Variants in MACROD2 observed in about 807,000 individuals in gnomAD.
The protein encoded by MACROD2 is mono-ADP ribosylhydrolase 2.
Under a neutral mutation model 70.4 loss-of-function variants are expected in MACROD2, and 36 were observed. That is an observed-to-expected ratio of 0.51 (90% CI 0.39 to 0.68). The LOEUF is 0.68. Among genes scored for constraint, MACROD2 ranks in the 30% least tolerant of loss-of-function variants. The pLI is 0.00. For missense variants in MACROD2, 496 were observed against 538.4 expected, an observed-to-expected ratio of 0.92 and a Z score of 0.78; for synonymous variants, 172 against 178.8, an observed-to-expected ratio of 0.96 and a Z score of 0.30.
chr20:14,068,007 T>C (rs750951011), intron 2 of MACROD2, among the ~76,000 whole-genome samples: 21 of 152,198 alleles, frequency 1.4e-4, no homozygotes, highest in African/African-American at 4.3e-4. Flanking sequence ...ACAGGACATA[T>C]AGATCTATAA....
intron 5 of MACROD2, among the ~76,000 whole-genome samples, chr20:15,000,790 A>C (rs1196492735): frequency 6.6e-6 from 1 of 152,124 alleles, no homozygotes; most frequent in Non-Finnish European, 1.5e-5. Flanking sequence ...CAAAATAAGA[A>C]AATTTGACGT....
At chr20:15,868,814 A>G (rs1338462852) in intron 9 of MACROD2, among the ~76,000 whole-genome samples, 2 of 152,090 alleles carry the variant, frequency 1.3e-5, no homozygotes, top group Non-Finnish European at 2.9e-5. Flanking sequence ...GTACTCTGTC[A>G]TCTAGACTGG....
intron 2 of MACROD2, among the ~76,000 whole-genome samples, chr20:14,006,381 C>T (rs927468180): frequency 2.0e-5 from 3 of 152,134 alleles, no homozygotes; most frequent in African/African-American, 7.2e-5. Context: ...TATACCTTCC[C>T]CCCAGACTAT....
Position 15,133,660 on chromosome 20 carries a change from A to G in MACROD2, c.419-96280A>G, listed in dbSNP as rs2076123224. The stretch of plus-strand genomic sequence containing the variant: ...ACCAAAAATGTTTTCACTGAGAGGA[A>G]TTTACCCTCAGCAAATACTTGGAGA... On this transcript the variant is annotated intron_variant, in intron 5 of 17. Coordinates refer to ENST00000684519, the MANE Select transcript of MACROD2 (RefSeq NM_001351661.2). 2.0e-5 allele frequency among the ~76,000 whole-genome samples: 3 copies of G among 152,110 alleles called. No homozygotes were observed. The South Asian group carries it at 6.2e-4, about 32-fold the overall frequency.
Position 14,431,077 on chromosome 20 carries a change from A to G in MACROD2, c.272-62402A>G, listed in dbSNP as rs1263396537. On this transcript the variant is annotated intron_variant, in intron 3 of 17. Coordinates refer to ENST00000684519, the MANE Select transcript of MACROD2 (RefSeq NM_001351661.2). ...TTTCCTTTTTTACATAAGCTGTTGTACCTAATGCTGTCTGATGACACAGAG... is the reference window on the plus strand; with the variant it reads ...TTTCCTTTTTTACATAAGCTGTTGTGCCTAATGCTGTCTGATGACACAGAG... Among the ~76,000 whole-genome samples the G allele has an allele frequency of 2.6e-5, 4 of 152,168 alleles. No individual in the cohort carries two copies. The East Asian group carries it at 7.7e-4, about 29-fold the overall frequency.
At chr20:14,713,094 A>G (rs1257632360) in intron 5 of MACROD2, among the ~76,000 whole-genome samples, 1 of 152,146 alleles carries the variant, frequency 6.6e-6, no homozygotes, top group Non-Finnish European at 1.5e-5. Flanking sequence ...ACAGATTAAA[A>G]GAAGTTTCTT....
intron 5 of MACROD2, among the ~76,000 whole-genome samples, chr20:14,970,794 G>C (rs1221439300): frequency 6.6e-6 from 1 of 152,012 alleles, no homozygotes; most frequent in African/African-American, 2.4e-5. Flanking sequence ...GGAACGACAG[G>C]TGCACACCAG....
At chr20:14,351,698 T>C (rs1052420086) in intron 3 of MACROD2, among the ~76,000 whole-genome samples, 5 of 152,190 alleles carry the variant, frequency 3.3e-5, no homozygotes, top group African/African-American at 1.2e-4. Flanking sequence ...AAACTTTGTC[T>C]TCTTCCTTTC....
At chr20:14,543,019 G>T (rs965452859) in intron 4 of MACROD2, among the ~76,000 whole-genome samples, 2 of 152,052 alleles carry the variant, frequency 1.3e-5, no homozygotes, top group Non-Finnish European at 2.9e-5. Flanking sequence ...AACCAATTAT[G>T]ATTTGGAGAT....
chr20:14,983,843 T>A (rs1026989288), intron 5 of MACROD2, among the ~76,000 whole-genome samples: 3 of 152,202 alleles, frequency 2.0e-5, no homozygotes, highest in African/African-American at 7.2e-5. Context: ...GTAGTAATGA[T>A]ACTGGTAATA....
intron 5 of MACROD2, among the ~76,000 whole-genome samples, chr20:15,093,539 A>G (rs1321731667): frequency 2.0e-5 from 3 of 152,260 alleles, no homozygotes; most frequent in Middle Eastern, 3.4e-3. Flanking sequence ...AGGCCTCAGT[A>G]ACTTTTTAGG....
At chr20:14,462,168 G>T (rs902682492) in intron 3 of MACROD2, among the ~76,000 whole-genome samples, 4 of 151,906 alleles carry the variant, frequency 2.6e-5, no homozygotes, top group Admixed American at 6.6e-5. Context: ...AAAGTGTTCC[G>T]ATTTCTCCAC....
intron 15 of MACROD2, among the ~76,000 whole-genome samples, chr20:15,998,403 A>G (rs2066661440): frequency 6.6e-6 from 1 of 152,088 alleles, no homozygotes; most frequent in Non-Finnish European, 1.5e-5. Context: ...TGATTCAGCC[A>G]TGTTAGATTG....
chr20:15,818,749 A>G (rs1428109694), intron 8 of MACROD2, among the ~76,000 whole-genome samples: 1 of 152,188 alleles, frequency 6.6e-6, no homozygotes, highest in African/African-American at 2.4e-5. Flanking sequence ...GACTGGCTTT[A>G]GTATCCTGCT....
intron 5 of MACROD2, among the ~76,000 whole-genome samples, chr20:14,997,403 TGGTAGCCA>T (rs2074959213): frequency 6.6e-6 from 1 of 151,996 alleles, no homozygotes. Flanking sequence ...TAAACATCAG[TGGTAGCCA>T]GGTAGTACTC....
intron 5 of MACROD2, among the ~76,000 whole-genome samples, chr20:15,027,370 C>T (rs558338436): frequency 6.6e-6 from 1 of 152,216 alleles, no homozygotes; most frequent in African/African-American, 2.4e-5. Flanking sequence ...ACATAGGGCT[C>T]TGTCCTAAGT....
intron 10 of MACROD2, among the ~76,000 whole-genome samples, chr20:15,888,968 C>T (rs1218199864): frequency 6.6e-6 from 1 of 152,076 alleles, no homozygotes; most frequent in African/African-American, 2.4e-5. Flanking sequence ...TCTTCTCATT[C>T]AAATAGAAAA....
intron 5 of MACROD2, among the ~76,000 whole-genome samples, chr20:14,704,343 A>G (rs944308043): frequency 6.6e-6 from 1 of 151,620 alleles, no homozygotes; most frequent in Non-Finnish European, 1.5e-5. Flanking sequence ...CCCTTTTCCT[A>G]CCGTGTAAAT....
At position 14,029,371 on chromosome 20, in the gene MACROD2, G is replaced by C. The variant is rs552024042; in HGVS notation, c.163+26967G>C. Among the ~76,000 whole-genome samples the C allele has an allele frequency of 4.6e-5, 7 of 152,280 alleles. No individual in the cohort carries two copies. In the South Asian group the frequency reaches 1.2e-3, roughly 27 times the overall value. The stretch of plus-strand genomic sequence containing the variant: ...TTTGAAATTCAGGTTTTTGTGTCTT[G>C]TAATATTTGAGGCTTTCCTCCTTCC... On this transcript the variant is annotated intron_variant, in intron 2 of 17. Transcript: ENST00000684519.
Sources: allele counts gnomAD v4.1 joint callset (sites outside exome capture counted in the v4.1 genomes callset), GRCh38; gene constraint gnomAD v4.1.1; transcripts MANE v1.5; gene names NCBI Gene and HGNC (gene_info 2026-07-23, HGNC 2026-07-21).